RETREG1: variants seen among roughly 807,000 people sequenced by gnomAD.
The protein encoded by RETREG1 is reticulophagy regulator 1.
A neutral mutation model predicts 54.8 loss-of-function variants in RETREG1; 44 were observed. The ratio of observed to expected loss-of-function variants is 0.80; its 90% CI spans 0.63 to 1.03. RETREG1 has a LOEUF of 1.03. Among genes scored for constraint, RETREG1 ranks in the 50% least tolerant of loss-of-function variants. The pLI is 0.00. For synonymous variants in RETREG1, 217 were observed against 238.5 expected (o/e 0.91, Z 0.83); for missense variants, 554 against 605.1 (o/e 0.92, Z 0.89).
At chr5:16,543,358 T>C (rs563064550) in intron 3 of RETREG1, among the ~76,000 whole-genome samples, 1 of 152,194 alleles carries the variant, frequency 6.6e-6, no homozygotes, top group African/African-American at 2.4e-5. Context: ...CACATGGTAG[T>C]TGTATATTTA....
At chr5:16,509,720 G>T (rs1260211177) in intron 3 of RETREG1, among the ~76,000 whole-genome samples, 43 of 152,188 alleles carry the variant, frequency 2.8e-4, no homozygotes, top group African/African-American at 7.0e-4. Context: ...TGTGTTGCCA[G>T]GTGCTGTGGC....
chr5:16,508,591 C>T, intron 3 of RETREG1: 1 of 1,614,148 alleles, frequency 6.2e-7, no homozygotes, highest in Non-Finnish European at 8.5e-7. Flanking sequence ...TTGCCTGGTC[C>T]AAAGTCTTCA....
chr5:16,590,234 A>G (rs1165441568), intron 1 of RETREG1, among the ~76,000 whole-genome samples: 1 of 152,180 alleles, frequency 6.6e-6, no homozygotes, highest in East Asian at 1.9e-4. Flanking sequence ...GGGCAAGACA[A>G]GCCCCTCACA....
Position 16,501,223 on chromosome 5 carries a change from A to G in RETREG1, c.459-17751T>C, listed in dbSNP as rs184610017. The stretch of plus-strand genomic sequence containing the variant: ...ACAAACCTATAAAGTAGGTATTATT[A>G]TGCCCATTTTGCTGATGACAAAATG... On this transcript the variant is annotated intron_variant, in intron 3 of 8. Transcript: ENST00000306320. Among the ~76,000 whole-genome samples, 194 of 152,352 alleles carry G rather than the reference A, an allele frequency of 1.3e-3. 1 individual carries two copies. Among genetic ancestry groups the G allele is most frequent in the Non-Finnish European group, 1.6e-3 (111 of 68,036 alleles).
intron 3 of RETREG1, among the ~76,000 whole-genome samples, chr5:16,508,177 G>A (rs33683): frequency 0.56 from 85,662 of 152,090 alleles, 24,387 homozygotes; most frequent in African/African-American, 0.62. Flanking sequence ...TTTAAACTGT[G>A]GAAATGCTTA....
chr5:16,532,352 C>G (rs1740941332), intron 3 of RETREG1, among the ~76,000 whole-genome samples: 1 of 152,180 alleles, frequency 6.6e-6, no homozygotes, highest in Non-Finnish European at 1.5e-5. Flanking sequence ...TGGTGAAACC[C>G]TGTCTCTACT....
intron 3 of RETREG1, among the ~76,000 whole-genome samples, chr5:16,528,569 A>G (rs1002121640): frequency 2.6e-5 from 4 of 152,158 alleles, no homozygotes; most frequent in Admixed American, 6.5e-5. Context: ...GACCTGTCCC[A>G]GGTGATAGCA....
At chr5:16,497,552 A>G (rs547904453) in intron 3 of RETREG1, among the ~76,000 whole-genome samples, 73 of 152,322 alleles carry the variant, frequency 4.8e-4, no homozygotes, top group African/African-American at 1.8e-3. Context: ...CCAAGGTCAT[A>G]AGCTTTACAA....
intron 3 of RETREG1, among the ~76,000 whole-genome samples, chr5:16,547,899 T>TA (rs981801264): frequency 2.0e-5 from 3 of 151,774 alleles, no homozygotes; most frequent in South Asian, 2.1e-4. Flanking sequence ...ATAATTATGG[T>TA]AAAAAAAATT....
rs774595942 is a variant in RETREG1, at chr5:16,474,549, G to T, written c.*192C>A. The T allele has an allele frequency of 6.1e-6, 4 of 651,038 alleles. No individual in the cohort carries two copies. Among genetic ancestry groups the T allele is most frequent in the Non-Finnish European group, 1.0e-5 (4 of 390,462 alleles). 40.3% of individuals were successfully genotyped at this position (651,038 alleles called of 1,614,324 possible). A position where few individuals can be genotyped will look rare whatever the true frequency, so the allele number is the denominator to read the frequency against. Reference sequence around the variant, plus strand: ...TCCATGCTTATTACACAAAAATAACGATCAGAAATATCAATCTATCAGTGT... The same window carrying T: ...TCCATGCTTATTACACAAAAATAACTATCAGAAATATCAATCTATCAGTGT... On this transcript the variant is annotated 3_prime_UTR_variant, in exon 9 of 9. Transcript: ENST00000306320.
Position 16,508,530 on chromosome 5 carries a change from C to T in RETREG1, c.459-25058G>A, listed in dbSNP as rs764550970. On this transcript the variant is annotated intron_variant, in intron 3 of 8. Coordinates refer to ENST00000306320, the MANE Select transcript of RETREG1 (RefSeq NM_001034850.3). The stretch of plus-strand genomic sequence containing the variant: ...TAATATTTTTAAAAAGATAACTAGC[C>T]AGTGAAACAGACTGAAGAATAAGTA... The T allele has an allele frequency of 3.3e-6, 5 of 1,520,794 alleles. No homozygotes were observed. The South Asian group carries it at 3.4e-5, about 10-fold the overall frequency. 94.2% of individuals were successfully genotyped at this position (1,520,794 alleles called of 1,614,324 possible). A position where few individuals can be genotyped will look rare whatever the true frequency, so the allele number is the denominator to read the frequency against.
At chr5:16,575,128 CATTT>C (rs1415305478) in intron 1 of RETREG1, among the ~76,000 whole-genome samples, 45 of 152,218 alleles carry the variant, frequency 3.0e-4, no homozygotes, top group Non-Finnish European at 6.2e-4. Flanking sequence ...ATAAGAAACT[CATTT>C]ATATTTACAT....
At chr5:16,525,483 G>A (rs1740686671) in intron 3 of RETREG1, among the ~76,000 whole-genome samples, 1 of 152,152 alleles carries the variant, frequency 6.6e-6, no homozygotes, top group Non-Finnish European at 1.5e-5. Flanking sequence ...GTTCTTCACA[G>A]TGAATGAAGT....
At chr5:16,604,632 G>A (rs1388755552) in intron 1 of RETREG1, among the ~76,000 whole-genome samples, 1 of 152,118 alleles carries the variant, frequency 6.6e-6, no homozygotes, top group Non-Finnish European at 1.5e-5. Context: ...GTGAGTGTCT[G>A]GGAAGAGATG....
chr5:16,498,179 C>T (rs1356105691), intron 3 of RETREG1, among the ~76,000 whole-genome samples: 1 of 152,158 alleles, frequency 6.6e-6, no homozygotes, highest in East Asian at 1.9e-4. Flanking sequence ...GGGATATGTT[C>T]TAAGAAATGT....
chr5:16,556,101 T>G (rs777452914), intron 3 of RETREG1, among the ~76,000 whole-genome samples: 9 of 152,114 alleles, frequency 5.9e-5, no homozygotes, highest in Non-Finnish European at 1.3e-4. Context: ...GTTTTACCTT[T>G]CATTTGTTAT....
chr5:16,535,591 G>C (rs1741041642), intron 3 of RETREG1, among the ~76,000 whole-genome samples: 1 of 150,662 alleles, frequency 6.6e-6, no homozygotes, highest in Admixed American at 6.6e-5. Flanking sequence ...CACAAAGTGG[G>C]AGCTGGGGTT....
chr5:16,483,799 A>G (rs967288416), intron 3 of RETREG1, among the ~76,000 whole-genome samples: 1 of 152,102 alleles, frequency 6.6e-6, no homozygotes, highest in African/African-American at 2.4e-5. Context: ...TCCAGGTAGA[A>G]CAACATGCAA....
intron 3 of RETREG1, among the ~76,000 whole-genome samples, chr5:16,514,913 A>AT (rs1554018609): frequency 2.8e-5 from 4 of 144,060 alleles, no homozygotes; most frequent in South Asian, 2.3e-4. Flanking sequence ...ATATATATAT[A>AT]ATATATATTA....
Sources: gnomAD v4.1 joint callset for allele counts (sites outside exome capture counted in the v4.1 genomes callset) on GRCh38, gnomAD v4.1.1 for gene constraint, MANE v1.5 for transcripts, NCBI Gene and HGNC (gene_info 2026-07-23, HGNC 2026-07-21) for gene names.